The following SV2C variants were observed in gnomAD, a reference collection of about 807,000 sequenced individuals.
SV2C encodes solute carrier family 22 member B3.
In SV2C, 49 loss-of-function variants were observed where a neutral mutation model predicts 79.7. That is an observed-to-expected ratio of 0.61 (90% CI 0.49 to 0.78). SV2C has a LOEUF of 0.78. Ranked by LOEUF, SV2C falls within the 30% of genes least tolerant of loss-of-function variation. The pLI is 0.00. For synonymous variants in SV2C, 334 were observed against 333.2 expected (o/e 1.00, Z -0.03); for missense variants, 833 against 912.9 (o/e 0.91, Z 1.13).
chr5:75,980,842 A>G, the SV2C span, among the ~76,000 whole-genome samples: 1 of 152,168 alleles, frequency 6.6e-6, no homozygotes, highest in Non-Finnish European at 1.5e-5. Context: ...TATTCAACAC[A>G]GTACTGGAGG....
At chr5:75,986,107 C>T in the SV2C span, among the ~76,000 whole-genome samples, 2 of 146,842 alleles carry the variant, frequency 1.4e-5, no homozygotes, top group African/African-American at 4.9e-5. Flanking sequence ...CATTATTCGG[C>T]CTACCACAAC....
Position 76,181,543 on chromosome 5 carries a change from C to T in SV2C, c.581-13376C>T, listed in dbSNP as rs180690386. Among the ~76,000 whole-genome samples the T allele has an allele frequency of 1.6e-4, 25 of 152,206 alleles. No homozygotes were observed. The East Asian group carries it at 4.6e-3, about 28-fold the overall frequency. On this transcript the variant is annotated intron_variant, in intron 2 of 12. Coordinates refer to ENST00000502798, the MANE Select transcript of SV2C (RefSeq NM_014979.4). The stretch of plus-strand genomic sequence containing the variant: ...TGGCTAGGAGGCCTTGGGAAATTTA[C>T]AATCTTGGCAGAAGGTGAAGGGCAA...
intron 4 of SV2C, among the ~76,000 whole-genome samples, chr5:76,257,994 G>A (rs570583154): frequency 8.0e-5 from 12 of 149,228 alleles, no homozygotes; most frequent in South Asian, 4.3e-4. Flanking sequence ...ATGGGTGTAT[G>A]TAGTATGGGG....
chr5:75,872,160 G>A, the SV2C span, among the ~76,000 whole-genome samples: 14 of 149,480 alleles, frequency 9.4e-5, no homozygotes, highest in Non-Finnish European at 2.1e-4. Flanking sequence ...CATCAATGAT[G>A]GGACAAAAAC....
intron 6 of SV2C, among the ~76,000 whole-genome samples, chr5:76,288,087 A>C (rs1386298923): frequency 6.6e-6 from 1 of 151,730 alleles, no homozygotes; most frequent in African/African-American, 2.4e-5. Flanking sequence ...CCATCTCAAA[A>C]AAAAAAAAAA....
the SV2C span, among the ~76,000 whole-genome samples, chr5:75,971,441 A>C: frequency 2.0e-5 from 3 of 152,136 alleles, no homozygotes; most frequent in Admixed American, 6.5e-5. Context: ...GTCTCAGCCC[A>C]AAATCTCCTT....
intron 2 of SV2C, among the ~76,000 whole-genome samples, chr5:76,160,791 C>A (rs1184364793): frequency 1.3e-5 from 2 of 152,178 alleles, no homozygotes; most frequent in Admixed American, 6.5e-5. Context: ...TGCTTGGCAT[C>A]ATTAATTATC....
chr5:75,969,833 T>A, the SV2C span, among the ~76,000 whole-genome samples: 1 of 151,948 alleles, frequency 6.6e-6, no homozygotes, highest in Non-Finnish European at 1.5e-5. Flanking sequence ...CTAATAGACA[T>A]CTATAGAACT....
chr5:75,915,208 T>C, the SV2C span, among the ~76,000 whole-genome samples: 1 of 152,140 alleles, frequency 6.6e-6, no homozygotes, highest in East Asian at 1.9e-4. Context: ...TACTGAGGCA[T>C]AGAGAGGCTA....
Position 76,175,545 on chromosome 5 carries a change from T to A in SV2C, c.581-19374T>A, listed in dbSNP as rs1052984480. On this transcript the variant is annotated intron_variant, in intron 2 of 12. Transcript: ENST00000502798. ...TTAGATCTAACACAGAAGAGTAACA[T>A]GGTGCTAAAATTTCCCCCATATCCC... Among the ~76,000 whole-genome samples, 72 of 152,148 alleles carry A rather than the reference T, an allele frequency of 4.7e-4. 1 individual carries two copies. The highest frequency in any genetic ancestry group is 1.6e-3 in the African/African-American group (67 of 41,410).
At chr5:76,000,966 T>C in the SV2C span, among the ~76,000 whole-genome samples, 1 of 149,906 alleles carries the variant, frequency 6.7e-6, no homozygotes, top group Non-Finnish European at 1.5e-5. Flanking sequence ...TTATGTGAAC[T>C]AGGAAGATGA....
chr5:76,038,056 C>T, the SV2C span, among the ~76,000 whole-genome samples: 7 of 152,356 alleles, frequency 4.6e-5, no homozygotes, highest in South Asian at 6.2e-4. Flanking sequence ...AACTCCCTGA[C>T]CCCTTGCACT....
intron 12 of SV2C, among the ~76,000 whole-genome samples, chr5:76,339,638 T>C (rs970289815): frequency 6.7e-6 from 1 of 149,236 alleles, no homozygotes; most frequent in Non-Finnish European, 1.5e-5. Context: ...GGCGTGAACC[T>C]GGGAGGCGGA....
intron 2 of SV2C, among the ~76,000 whole-genome samples, chr5:76,136,828 T>G (rs1749086413): frequency 6.6e-6 from 1 of 152,218 alleles, no homozygotes; most frequent in Admixed American, 6.5e-5. Flanking sequence ...TAGCCTGGAC[T>G]TGGTAGGCAA....
In SV2C at chr5:76,207,410, C is replaced by T. The variant is rs1042356765; in HGVS notation, c.762-2326C>T. Among the ~76,000 whole-genome samples the T allele has an allele frequency of 3.7e-4, 56 of 152,062 alleles. 1 individual carries two copies. Among genetic ancestry groups the T allele is most frequent in the Non-Finnish European group, 1.3e-4 (9 of 68,016 alleles). On this transcript the variant is annotated intron_variant, in intron 3 of 12. Transcript: ENST00000502798. ...ATGGTGCAGAGAAACGGATTCTTCA[C>T]ATCAAATGAAGAAAAGGAGTAGTAT...
the SV2C span, among the ~76,000 whole-genome samples, chr5:76,017,051 A>G: frequency 6.6e-6 from 1 of 152,230 alleles, no homozygotes; most frequent in East Asian, 1.9e-4. Context: ...GATTATAAAT[A>G]TACCTTGTAT....
rs374558614 is a variant in SV2C at position 76,322,604 on chromosome 5, G to A, written c.2001-2760G>A. 3.9e-5 allele frequency among the ~76,000 whole-genome samples: 6 copies of A among 152,104 alleles called. No individual in the cohort carries two copies. The East Asian group carries it at 9.6e-4, about 24-fold the overall frequency. ...GACAATCCTAAGCAAAAAGAACAAA[G>A]CTAGAGGCATCATGTTACCTGACTT... On this transcript the variant is annotated intron_variant, in intron 12 of 12. Transcript: ENST00000502798.
chr5:75,854,053 C>T, the SV2C span, among the ~76,000 whole-genome samples: 66 of 149,788 alleles, frequency 4.4e-4, no homozygotes, highest in Non-Finnish European at 8.0e-4. Flanking sequence ...CCCAACCTTA[C>T]GACTGTAGAT....
chr5:76,117,902 G>A (rs1748330826), intron 1 of SV2C, among the ~76,000 whole-genome samples: 1 of 152,100 alleles, frequency 6.6e-6, no homozygotes, highest in Non-Finnish European at 1.5e-5. Flanking sequence ...TTGTTTAATA[G>A]CTTTTCACAG....
Sources: gnomAD v4.1 joint callset for allele counts (sites outside exome capture counted in the v4.1 genomes callset) on GRCh38, gnomAD v4.1.1 for gene constraint, MANE v1.5 for transcripts, NCBI Gene and HGNC (gene_info 2026-07-23, HGNC 2026-07-21) for gene names.